The following MOGAT1 variants were observed in gnomAD, a reference collection of about 807,000 sequenced individuals.
MOGAT1 encodes the protein 2-acylglycerol O-acyltransferase 1.
A neutral mutation model predicts 31.4 loss-of-function variants in MOGAT1; 32 were observed. That is an observed-to-expected ratio of 1.02 (90% CI 0.77 to 1.37). The LOEUF is 1.37. Ranked by LOEUF, MOGAT1 falls within the 40% of genes most tolerant of loss-of-function variation. The pLI is 0.00. For synonymous variants in MOGAT1, 145 were observed against 144.5 expected (o/e 1.00, Z -0.03); for missense variants, 426 against 402.0 (o/e 1.06, Z -0.51).
chr2:222,699,670 T>G (rs1172719861), intron 5 of MOGAT1, among the ~76,000 whole-genome samples: 1 of 151,994 alleles, frequency 6.6e-6, no homozygotes, highest in Non-Finnish European at 1.5e-5. Context: ...CTACTTTGTT[T>G]TGTATTTTTA....
chr2:222,696,573 A>G (rs564410662), intron 5 of MOGAT1, among the ~76,000 whole-genome samples: 1 of 152,118 alleles, frequency 6.6e-6, no homozygotes, highest in Non-Finnish European at 1.5e-5. Flanking sequence ...TCTTTTCAGA[A>G]TTGTCTATTC....
chr2:222,676,688 T>C lies in MOGAT1; in HGVS notation c.94+4809T>C, dbSNP rs1011901639. Among the ~76,000 whole-genome samples the C allele has an allele frequency of 5.3e-5, 8 of 152,340 alleles. No homozygotes were observed. In the East Asian group the frequency reaches 9.7e-4, roughly 18 times the overall value. On this transcript the variant is annotated intron_variant, in intron 1 of 5. Coordinates refer to ENST00000446656, the MANE Select transcript of MOGAT1 (RefSeq NM_058165.3). ...AAGTTTCTTCCAAAGTATTATATCA[T>C]TTTACATTCTCACTGGCAGGGCATG... is the stretch of plus-strand genomic sequence containing the variant.
chr2:222,699,258 T>A (rs920719284), intron 5 of MOGAT1: 2 of 152,424 alleles, frequency 1.3e-5, no homozygotes, highest in South Asian at 2.1e-4. Context: ...TGCCTCAGCC[T>A]CCCAAAGTAC....
chr2:222,698,491 A>C (rs969248810), intron 5 of MOGAT1: 2 of 152,236 alleles, frequency 1.3e-5, no homozygotes, highest in Non-Finnish European at 2.9e-5. Context: ...AACAGGAAAC[A>C]TGAGATTCCA....
chr2:222,706,239 G>C (rs868102051), intron 5 of MOGAT1, among the ~76,000 whole-genome samples: 19 of 152,130 alleles, frequency 1.2e-4, no homozygotes, highest in African/African-American at 3.9e-4. Context: ...TTGGGAGGCC[G>C]AGGCAGGTGG....
At chr2:222,687,125 AAAAAAAAAAAAAAAGAAAGAACAAG>A (rs1692683475) in intron 1 of MOGAT1, among the ~76,000 whole-genome samples, 1 of 120,144 alleles carries the variant, frequency 8.3e-6, no homozygotes, top group African/African-American at 4.1e-5. Flanking sequence ...AAAAAAAAAA[AAAAAAAAAAAAAAAGAAAGAACAAG>A]AAAGAAAGAA....
At chr2:222,687,517 A>C (rs1173889855) in intron 1 of MOGAT1, among the ~76,000 whole-genome samples, 1 of 152,232 alleles carries the variant, frequency 6.6e-6, no homozygotes, top group Non-Finnish European at 1.5e-5. Flanking sequence ...TAGACATTTA[A>C]AAAATGTATA....
intron 1 of MOGAT1, among the ~76,000 whole-genome samples, chr2:222,681,653 G>A (rs1692583108): frequency 1.3e-5 from 2 of 152,074 alleles, no homozygotes; most frequent in Admixed American, 6.6e-5. Flanking sequence ...CCTGACGATG[G>A]GGGTGGGGCT....
chr2:222,685,598 C>CTTTTTTTT (rs574124301), intron 1 of MOGAT1, among the ~76,000 whole-genome samples: 1 of 119,982 alleles, frequency 8.3e-6, no homozygotes, highest in Non-Finnish European at 1.7e-5. Flanking sequence ...TCTTCTTCTT[C>CTTTTTTTT]TTTTTTTTTT....
intron 5 of MOGAT1, among the ~76,000 whole-genome samples, chr2:222,707,919 C>T (rs899868506): frequency 4.6e-5 from 7 of 152,150 alleles, no homozygotes; most frequent in African/African-American, 1.2e-4. Flanking sequence ...ATCAGAACCT[C>T]GTATGTGACA....
At chr2:222,685,456 T>A (rs1459436102) in intron 1 of MOGAT1, among the ~76,000 whole-genome samples, 1 of 152,150 alleles carries the variant, frequency 6.6e-6, no homozygotes, top group African/African-American at 2.4e-5. Flanking sequence ...AAATTCCAAT[T>A]AGCAGTTCCA....
chr2:222,676,391 C>T (rs945551897), intron 1 of MOGAT1, among the ~76,000 whole-genome samples: 12 of 152,158 alleles, frequency 7.9e-5, no homozygotes, highest in African/African-American at 2.9e-4. Context: ...GCTTCTTTCA[C>T]TCAGTGTAAT....
At chr2:222,672,094 A>G (rs980673535) in intron 1 of MOGAT1, among the ~76,000 whole-genome samples, 6 of 152,210 alleles carry the variant, frequency 3.9e-5, no homozygotes, top group African/African-American at 1.4e-4. Context: ...CTCCTGCGTT[A>G]CTTTTTTAAA....
intron 1 of MOGAT1, among the ~76,000 whole-genome samples, chr2:222,683,860 A>G (rs930863427): frequency 1.3e-5 from 2 of 152,224 alleles, no homozygotes; most frequent in Non-Finnish European, 2.9e-5. Context: ...AGATAAATCA[A>G]CCCAGCTAAA....
At chr2:222,704,626 GAAAAA>G (rs796340274) in intron 5 of MOGAT1, among the ~76,000 whole-genome samples, 1 of 130,972 alleles carries the variant, frequency 7.6e-6, no homozygotes. Context: ...TCCGTCTCCA[GAAAAA>G]AAAAAAAAGA....
At chr2:222,707,872 A>C (rs947560857) in intron 5 of MOGAT1, among the ~76,000 whole-genome samples, 1 of 152,048 alleles carries the variant, frequency 6.6e-6, no homozygotes, top group African/African-American at 2.4e-5. Flanking sequence ...ATTTGTTCAT[A>C]TTTTGCTTAG....
intron 1 of MOGAT1, among the ~76,000 whole-genome samples, chr2:222,675,179 A>G (rs1692477772): frequency 6.6e-6 from 1 of 152,182 alleles, no homozygotes; most frequent in East Asian, 1.9e-4. Context: ...TTGTTCCTCT[A>G]TCCCTTGTAT....
Position 222,695,282 on chromosome 2 carries a change from A to C in MOGAT1, c.847A>C (p.Thr283Pro). 1 of 1,604,922 alleles carries C rather than the reference A, an allele frequency of 6.2e-7. No individual in the cohort carries two copies. The highest frequency in any genetic ancestry group is 8.5e-7 in the Non-Finnish European group (1 of 1,173,542). The change falls in exon 5 of 6, where the codon ACT (threonine) becomes CCT (proline). Residue 283 changes from threonine to proline, a missense_variant. Thr to Pro is a conservative substitution (Grantham distance 38). Coordinates refer to ENST00000446656, the MANE Select transcript of MOGAT1 (RefSeq NM_058165.3). ...GLMTYRKAIH[T>P]VVGRPIPVRQ... ...AATGACCTATAGGAAAGCCATCCAC[A>C]CTGTTGGTATGTACATAAAATAACT...
At chr2:222,677,669 G>C in intron 1 of MOGAT1, 1 of 399,196 alleles carries the variant, frequency 2.5e-6, no homozygotes, top group Non-Finnish European at 5.0e-6. Context: ...AAACTCAAAG[G>C]ATTCTAGAAA....
Sources: allele counts gnomAD v4.1 joint callset (sites outside exome capture counted in the v4.1 genomes callset), GRCh38; gene constraint gnomAD v4.1.1; transcripts MANE v1.5; gene names NCBI Gene and HGNC (gene_info 2026-07-23, HGNC 2026-07-21).